The following RAB3IL1 variants were observed in gnomAD, a reference collection of about 807,000 sequenced individuals.
RAB3IL1 encodes the protein guanine nucleotide exchange factor for Rab-3A.
Under a neutral mutation model 49.2 loss-of-function variants are expected in RAB3IL1, and 37 were observed. The observed-to-expected ratio is 0.75, with a 90% CI of 0.58 to 0.99. RAB3IL1 has a LOEUF of 0.99. RAB3IL1 is among the 50% of genes least tolerant of loss of function. RAB3IL1 has a pLI of 0.00. For synonymous variants in RAB3IL1, 193 were observed against 213.9 expected (o/e 0.90, Z 0.85); for missense variants, 484 against 513.0 (o/e 0.94, Z 0.55).
chr11:61,936,594 G>A, the RAB3IL1 span, among the ~76,000 whole-genome samples: 7 of 152,112 alleles, frequency 4.6e-5, no homozygotes, highest in Admixed American at 3.9e-4. Flanking sequence ...CACCCACCTC[G>A]ACCTCCCAAA....
upstream of RAB3IL1, among the ~76,000 whole-genome samples, chr11:61,924,688 T>C (rs1330363798): frequency 6.6e-6 from 1 of 152,132 alleles, no homozygotes; most frequent in African/African-American, 2.4e-5. Flanking sequence ...TATTGTGGGG[T>C]GCTGATGGTG....
At chr11:61,921,673 G>C (rs1303284631), upstream of RAB3IL1, among the ~76,000 whole-genome samples, 1 of 152,082 alleles carries the variant, frequency 6.6e-6, no homozygotes, top group Non-Finnish European at 1.5e-5. Context: ...GGCCATCCTC[G>C]TCACCCTTCT....
At chr11:61,920,678 C>G (rs1939882885), upstream of RAB3IL1, among the ~76,000 whole-genome samples, 1 of 152,240 alleles carries the variant, frequency 6.6e-6, no homozygotes, top group East Asian at 1.9e-4. Context: ...AATCCCAGCA[C>G]TTTGGGAGGC....
upstream of RAB3IL1, chr11:61,920,235 A>G: frequency 8.1e-7 from 1 of 1,241,274 alleles, no homozygotes; most frequent in Non-Finnish European, 1.0e-6. Context: ...GGGTGCCGGG[A>G]AGGGAGGTAG....
At chr11:61,910,200 A>AGG (rs1939398130) in intron 1 of RAB3IL1, among the ~76,000 whole-genome samples, 1 of 152,172 alleles carries the variant, frequency 6.6e-6, no homozygotes, top group Non-Finnish European at 1.5e-5. Context: ...TCCCCGCTGC[A>AGG]GGGGAAGGGC....
chr11:61,936,685 A>T, the RAB3IL1 span, among the ~76,000 whole-genome samples: 1 of 152,214 alleles, frequency 6.6e-6, no homozygotes, highest in Non-Finnish European at 1.5e-5. Flanking sequence ...GTGACTCATC[A>T]CATATAAGCT....
upstream of RAB3IL1, chr11:61,920,331 C>A (rs1939872217): frequency 8.9e-7 from 1 of 1,121,842 alleles, no homozygotes; most frequent in Non-Finnish European, 1.1e-6. Context: ...GGAGGCACCA[C>A]CTCCCAGGAC....
the RAB3IL1 span, among the ~76,000 whole-genome samples, chr11:61,927,701 C>T: frequency 1.4e-3 from 59 of 43,666 alleles, 2 homozygotes; most frequent in East Asian, 0.039. Flanking sequence ...ATATATTTCC[C>T]CCCTGCTGTT....
the RAB3IL1 span, among the ~76,000 whole-genome samples, chr11:61,938,485 G>A: frequency 1.3e-5 from 2 of 152,098 alleles, no homozygotes; most frequent in African/African-American, 4.8e-5. Context: ...ATTGTTACAA[G>A]GGACAAAGAG....
upstream of RAB3IL1, among the ~76,000 whole-genome samples, chr11:61,924,327 T>A (rs1174883483): frequency 1.3e-5 from 2 of 152,126 alleles, no homozygotes; most frequent in Non-Finnish European, 2.9e-5. Flanking sequence ...CATCTTTGCT[T>A]CTTCCCCAAA....
In RAB3IL1 at chr11:61,908,765, C is replaced by A. The variant is rs193020813; in HGVS notation, c.12-459G>T. Among the ~76,000 whole-genome samples the A allele has an allele frequency of 2.8e-4, 43 of 152,344 alleles. No homozygotes were observed. The East Asian group carries it at 7.1e-3, about 25-fold the overall frequency. ...CAAGCAGGAGCTGCCTTCACTGATA[C>A]AGTTAATGCGAATTCTGCCCCTTTC... On this transcript the variant is annotated intron_variant, in intron 1 of 9. Coordinates refer to ENST00000394836, the MANE Select transcript of RAB3IL1 (RefSeq NM_013401.4).
At chr11:61,899,642 GGGGGAAAGCGGAGCCACCC>G in intron 8 of RAB3IL1, 1 of 436,864 alleles carries the variant, frequency 2.3e-6, no homozygotes, top group Non-Finnish European at 4.2e-6. Flanking sequence ...CATCTTACAT[GGGGGAAAGCGGAGCCACCC>G]GGGGAAAGCC....
the RAB3IL1 span, among the ~76,000 whole-genome samples, chr11:61,932,143 C>T: frequency 1.3e-5 from 2 of 151,556 alleles, no homozygotes; most frequent in East Asian, 1.9e-4. Flanking sequence ...CCCAGCTACT[C>T]GGGAGGCTGA....
chr11:61,914,454 T>C (rs568993291), intron 1 of RAB3IL1, among the ~76,000 whole-genome samples: 4 of 152,322 alleles, frequency 2.6e-5, no homozygotes, highest in African/African-American at 9.6e-5. Context: ...TCCAGCACCA[T>C]GTTAGATACA....
the RAB3IL1 span, among the ~76,000 whole-genome samples, chr11:61,943,820 C>T: frequency 6.6e-6 from 1 of 152,196 alleles, no homozygotes; most frequent in East Asian, 1.9e-4. Context: ...GTAAACACTA[C>T]ATACATAAGT....
At chr11:61,904,689 G>T (rs1939090035) in intron 6 of RAB3IL1, 31 bp from the exon 7 acceptor site, 2 of 1,596,982 alleles carry the variant, frequency 1.3e-6, no homozygotes, top group African/African-American at 1.3e-5. Flanking sequence ...AGGCAGGGTG[G>T]TAAGGGGCTG....
In RAB3IL1 at chr11:61,917,526, C is replaced by G. The variant is rs1281176656; in HGVS notation, c.-159G>C. The G allele has an allele frequency of 1.8e-6, 2 of 1,117,016 alleles. No homozygotes were observed. Among genetic ancestry groups the G allele is most frequent in the African/African-American group, 1.7e-5 (1 of 60,294 alleles). The allele number at this position is 1,117,016 out of a possible 1,614,324, so 69.2% of individuals were successfully genotyped here. On this transcript the variant is annotated 5_prime_UTR_variant, in exon 1 of 10. Coordinates refer to ENST00000394836, the MANE Select transcript of RAB3IL1 (RefSeq NM_013401.4). ...AGTAGGTCTCAGACGCCTGGGCTCG[C>G]GGCCCCCAGCCCAGCCCCGACCCTG...
the RAB3IL1 span, among the ~76,000 whole-genome samples, chr11:61,944,272 C>CTTCCTTCCTTCCTTCCTTCCT: frequency 6.8e-5 from 1 of 14,680 alleles, no homozygotes; most frequent in East Asian, 5.1e-4. Context: ...CCTTCCTTCC[C>CTTCCTTCCTTCCTTCCTTCCT]TCCTTTGTTG....
the RAB3IL1 span, among the ~76,000 whole-genome samples, chr11:61,939,247 T>C: frequency 2.0e-5 from 3 of 151,996 alleles, no homozygotes; most frequent in Non-Finnish European, 4.4e-5. Flanking sequence ...AATTCACAAA[T>C]ATGTGGGAAT....
Sources: allele counts gnomAD v4.1 joint callset (sites outside exome capture counted in the v4.1 genomes callset), GRCh38; gene constraint gnomAD v4.1.1; transcripts MANE v1.5; gene names NCBI Gene and HGNC (gene_info 2026-07-23, HGNC 2026-07-21).